TRIO: variants seen among roughly 807,000 people sequenced by gnomAD.
TRIO encodes trio Rho guanine nucleotide exchange factor.
Under a neutral mutation model 351.9 loss-of-function variants are expected in TRIO, and 58 were observed. That is an observed-to-expected ratio of 0.16 (90% CI 0.13 to 0.21). The LOEUF is 0.21. TRIO is among the 10% of genes least tolerant of loss of function. The probability of loss-of-function intolerance (pLI) is 1.00; values close to 1 mark genes in which losing one functional copy is unlikely to be tolerated. For synonymous variants in TRIO, 1,758 were observed against 1,595.7 expected (o/e 1.10, Z -2.42); for missense variants, 3,201 against 4,027.8 (o/e 0.79, Z 5.56).
intron 41 of TRIO, among the ~76,000 whole-genome samples, chr5:14,477,822 T>G (rs758500114): frequency 6.6e-6 from 1 of 152,226 alleles, no homozygotes; most frequent in East Asian, 1.9e-4. Flanking sequence ...ACACGTTTCA[T>G]TACACAGTAT....
At chr5:14,373,948 C>T (rs1047918043) in intron 18 of TRIO, among the ~76,000 whole-genome samples, 2 of 152,194 alleles carry the variant, frequency 1.3e-5, no homozygotes, top group African/African-American at 4.8e-5. Flanking sequence ...ACAGGGCTTC[C>T]CTTCCTCCGT....
At chr5:14,398,399 C>T (rs970434281) in intron 29 of TRIO, among the ~76,000 whole-genome samples, 6 of 152,148 alleles carry the variant, frequency 3.9e-5, no homozygotes, top group African/African-American at 9.7e-5. Flanking sequence ...CAGGACAGGT[C>T]CTTGAAGAAA....
chr5:14,375,939 A>T, intron 19 of TRIO, among the ~76,000 whole-genome samples: 1 of 152,168 alleles, frequency 6.6e-6, no homozygotes, highest in Non-Finnish European at 1.5e-5. Flanking sequence ...TAACAGCATG[A>T]CCACTGGTCC....
At chr5:14,235,557 AAGGTCT>A (rs1335499397) in intron 1 of TRIO, among the ~76,000 whole-genome samples, 4 of 152,146 alleles carry the variant, frequency 2.6e-5, no homozygotes, top group African/African-American at 4.8e-5. Flanking sequence ...GAAAACTGCA[AAGGTCT>A]ATATAAAATG....
chr5:14,319,513 T>C (rs1321209844), intron 9 of TRIO, among the ~76,000 whole-genome samples: 2 of 152,202 alleles, frequency 1.3e-5, no homozygotes, highest in African/African-American at 2.4e-5. Flanking sequence ...AGTAGTACTT[T>C]AGAAGGACGT....
In TRIO at chr5:14,504,544, C is replaced by T. The variant is rs1186181939; in HGVS notation, c.8563C>T (p.Leu2855Phe). 1.2e-6 allele frequency: 2 copies of T among 1,614,000 alleles called. No homozygotes were observed. The highest frequency in any genetic ancestry group is 2.7e-5 in the African/African-American group (2 of 74,906). The change falls in exon 55 of 57, where the codon CTC (leucine) becomes TTC (phenylalanine). Residue 2855 changes from leucine (L) to phenylalanine (F), a missense_variant. This residue lies in a region of TRIO where 1,089 missense variants were observed against 954.9 expected (regional missense o/e 1.14). Transcript: ENST00000344204. The stretch of plus-strand genomic sequence containing the variant: ...CCTCCAGCACCCCCTGCTTGTCGGC[C>T]TCCTCGACACCTTTGAGACCCCCAC... The part of the protein sequence containing the change: ...QSLQHPLLVG[L>F]LDTFETPTSY...
intron 55 of TRIO, among the ~76,000 whole-genome samples, chr5:14,505,382 T>C (rs1757600073): frequency 6.6e-6 from 1 of 152,224 alleles, no homozygotes; most frequent in Non-Finnish European, 1.5e-5. Flanking sequence ...AAATGTCGAT[T>C]CCTCCTTTTT....
At chr5:14,281,390 G>A (rs1487092826) in intron 3 of TRIO, among the ~76,000 whole-genome samples, 1 of 150,374 alleles carries the variant, frequency 6.7e-6, no homozygotes, top group African/African-American at 2.5e-5. Context: ...TCCATCAGGG[G>A]ACAGCACTAG....
At chr5:14,204,588 C>A (rs1391272184) in intron 1 of TRIO, among the ~76,000 whole-genome samples, 2 of 151,992 alleles carry the variant, frequency 1.3e-5, no homozygotes, top group African/African-American at 4.8e-5. Context: ...GTAGAGATTT[C>A]AAGAAACAAA....
intron 36 of TRIO, 116 bp from the exon 37 acceptor site, chr5:14,465,429 C>A (rs866489452): frequency 2.8e-5 from 27 of 959,016 alleles, no homozygotes; most frequent in Middle Eastern, 2.9e-4. Flanking sequence ...AACTTGTGGT[C>A]TTTTTGTCTG....
chr5:14,435,853 CATATT>C (rs1751539568), intron 34 of TRIO, among the ~76,000 whole-genome samples: 1 of 152,196 alleles, frequency 6.6e-6, no homozygotes, highest in Non-Finnish European at 1.5e-5. Flanking sequence ...GTACCAGGCT[CATATT>C]GTATTTTGCC....
Position 14,481,562 on chromosome 5 carries a change from A to G in TRIO, c.6409A>G (p.Ile2137Val). ...ELERAVEVMC[I>V]VPRRCNDMMN... ...ACAGAGAGCTGTGGAAGTCATGTGC[A>G]TAGTACCCAGGCGGTGCAACGACAT... The change falls in exon 45 of 57, where the codon ATA (isoleucine) becomes GTA (valine). Residue 2137 changes from isoleucine to valine, a missense_variant. Transcript: ENST00000344204. 6.2e-7 allele frequency: 1 copy of G among 1,614,134 alleles called. No individual in the cohort carries two copies. Among genetic ancestry groups the G allele is most frequent in the East Asian group, 2.2e-5 (1 of 44,878 alleles).
intron 1 of TRIO, among the ~76,000 whole-genome samples, chr5:14,226,180 T>G (rs1023455752): frequency 1.5e-4 from 23 of 152,180 alleles, no homozygotes; most frequent in African/African-American, 5.3e-4. Flanking sequence ...TGGGTGGGTC[T>G]TCATGGGACC....
chr5:14,455,320 T>G (rs1251985346), intron 34 of TRIO, among the ~76,000 whole-genome samples: 2 of 152,216 alleles, frequency 1.3e-5, no homozygotes, highest in Non-Finnish European at 2.9e-5. Flanking sequence ...TGCTGATTGG[T>G]GCGTTTACAA....
At chr5:14,224,499 C>T (rs572307989) in intron 1 of TRIO, among the ~76,000 whole-genome samples, 5 of 151,960 alleles carry the variant, frequency 3.3e-5, no homozygotes, top group African/African-American at 1.2e-4. Flanking sequence ...GTAATATTAG[C>T]ACCATCTTAG....
chr5:14,176,395 G>A lies in TRIO; in HGVS notation c.157+32513G>A, dbSNP rs192532661. ...CGAGGCAGGAGAATGGCGTGAACCC[G>A]GGAGGCGGAGCTTACAGTGAGCCGA... On this transcript the variant is annotated intron_variant, in intron 1 of 56. Coordinates refer to ENST00000344204, the MANE Select transcript of TRIO (RefSeq NM_007118.4). Among the ~76,000 whole-genome samples, 32 of 152,238 alleles carry A rather than the reference G, an allele frequency of 2.1e-4. No homozygotes were observed. In the East Asian group the frequency reaches 5.4e-3, roughly 26 times the overall value.
Position 14,498,229 on chromosome 5 carries a change from G to A in TRIO, c.8188G>A (p.Gly2730Ser). 1.9e-6 allele frequency: 3 copies of A among 1,614,200 alleles called. No homozygotes were observed. Among genetic ancestry groups the A allele is most frequent in the Non-Finnish European group, 2.5e-6 (3 of 1,180,048 alleles). ...GPEHNTLNND[G>S]HYSISYSDLG... ...TGAACACAACACCTTGAACAACGAT[G>A]GTCACTACAGCATCTCCTACAGGTG... Residue 2730 changes from glycine to serine, a missense_variant, in exon 52 of 57, where the codon GGT (glycine) becomes AGT (serine). Gly to Ser is a moderately conservative substitution (Grantham distance 56). This residue lies in a region of TRIO where 1,089 missense variants were observed against 954.9 expected (regional missense o/e 1.14). Coordinates refer to ENST00000344204, the MANE Select transcript of TRIO (RefSeq NM_007118.4).
chr5:14,494,398 G>A (rs191551324), intron 49 of TRIO, among the ~76,000 whole-genome samples: 1 of 152,294 alleles, frequency 6.6e-6, no homozygotes, highest in African/African-American at 2.4e-5. Flanking sequence ...GGTTTACTGA[G>A]TATTTTAAGG....
At chr5:14,479,218 T>A (rs766965180) in intron 41 of TRIO, 43 bp from the exon 42 acceptor site, 1 of 1,530,562 alleles carries the variant, frequency 6.5e-7, no homozygotes, top group Non-Finnish European at 9.1e-7. Flanking sequence ...CTAATCGAAT[T>A]TCCCATTGTT....
Sources: allele counts gnomAD v4.1 joint callset (sites outside exome capture counted in the v4.1 genomes callset), GRCh38; gene constraint gnomAD v4.1.1; regional missense constraint gnomAD v4.1.1; transcripts MANE v1.5; gene names NCBI Gene and HGNC (gene_info 2026-07-23, HGNC 2026-07-21).